The following CNTNAP2 variants were observed in gnomAD, a reference collection of about 807,000 sequenced individuals.
The protein encoded by CNTNAP2 is contactin-associated protein-like 2.
Under a neutral mutation model 155.2 loss-of-function variants are expected in CNTNAP2, and 98 were observed. The ratio of observed to expected loss-of-function variants is 0.63; its 90% CI spans 0.54 to 0.75. The LOEUF (loss-of-function observed/expected upper bound fraction) is 0.75. Among genes scored for constraint, CNTNAP2 ranks in the 30% least tolerant of loss-of-function variants. The pLI is 0.00. For synonymous variants in CNTNAP2, 651 were observed against 631.2 expected (o/e 1.03, Z -0.47); for missense variants, 1,727 against 1,688.1 (o/e 1.02, Z -0.40).
At chr7:148,173,663 T>C (rs1273099443) in intron 18 of CNTNAP2, among the ~76,000 whole-genome samples, 1 of 152,218 alleles carries the variant, frequency 6.6e-6, no homozygotes, top group Non-Finnish European at 1.5e-5. Flanking sequence ...ACAGTGCTAT[T>C]ACAGTGCATT....
At chr7:147,850,278 A>C (rs1355144608) in intron 13 of CNTNAP2, among the ~76,000 whole-genome samples, 1 of 152,240 alleles carries the variant, frequency 6.6e-6, no homozygotes, top group Admixed American at 6.5e-5. Flanking sequence ...GACACAAACA[A>C]ATGGAAGAAC....
In CNTNAP2 at chr7:147,122,311, G is replaced by A. The variant is rs373226534; in HGVS notation, c.939+1148G>A. On this transcript the variant is annotated intron_variant, in intron 6 of 23. Coordinates refer to ENST00000361727, the MANE Select transcript of CNTNAP2 (RefSeq NM_014141.6). ...TGCTATTACTTAGCCAGAAGTTTCCGAACTTTCTTAGTTCATGGAGCCCTT... is the reference window on the plus strand; with the variant it reads ...TGCTATTACTTAGCCAGAAGTTTCCAAACTTTCTTAGTTCATGGAGCCCTT... 87 of 152,326 alleles carry A rather than the reference G, an allele frequency of 5.7e-4. 1 individual carries two copies. Among genetic ancestry groups the A allele is most frequent in the African/African-American group, 1.8e-3 (74 of 41,576 alleles). The allele number at this position is 152,326 out of a possible 1,614,324, so 9.4% of individuals were successfully genotyped here. A position where few individuals can be genotyped will look rare whatever the true frequency, so the allele number is the denominator to read the frequency against.
rs868752640 is a variant in CNTNAP2 at position 146,748,424 on chromosome 7, C to T, written c.98-25847C>T. On this transcript the variant is annotated intron_variant, in intron 1 of 23. Coordinates refer to ENST00000361727, the MANE Select transcript of CNTNAP2 (RefSeq NM_014141.6). The stretch of plus-strand genomic sequence containing the variant: ...CCTCCCAAAGTGCTGGGATTACAGG[C>T]GTGACCCACCGCGCCCGGCCCCAAA... Among the ~76,000 whole-genome samples the T allele has an allele frequency of 3.3e-5, 5 of 152,102 alleles. 1 individual carries two copies. The Middle Eastern group carries it at 0.017, about 517-fold the overall frequency.
chr7:148,328,449 C>G (rs1053005793), intron 21 of CNTNAP2, among the ~76,000 whole-genome samples: 1 of 152,118 alleles, frequency 6.6e-6, no homozygotes, highest in Non-Finnish European at 1.5e-5. Context: ...TGTGGGTCAG[C>G]GTGCTGTTGT....
At chr7:147,912,950 G>A (rs1456866451) in intron 14 of CNTNAP2, among the ~76,000 whole-genome samples, 1 of 152,204 alleles carries the variant, frequency 6.6e-6, no homozygotes, top group Non-Finnish European at 1.5e-5. Flanking sequence ...GGTTTGTTGA[G>A]TGCATTTCTC....
At position 148,229,635 on chromosome 7, in the gene CNTNAP2, T is replaced by C. The variant is rs1795923166; in HGVS notation, c.3248-11T>C. 10 of 1,614,088 alleles carry C rather than the reference T, an allele frequency of 6.2e-6. No homozygotes were observed. The East Asian group carries it at 2.2e-4, about 36-fold the overall frequency. ...CAAACAAATTACTGAGCTTTCTTTT[T>C]TCTTCTATAGGAAGCTTACAGATTC... On this transcript the variant is annotated splice_polypyrimidine_tract_variant and intron_variant, in intron 19 of 23. Transcript: ENST00000361727.
rs116817240 is a variant in CNTNAP2, at chr7:146,541,432, A to G, written c.98-232839A>G. ...AAGATCTTTGGAGAAGCTTCATTAT[A>G]TTTTGAAGTCATTAACATGACTCAA... On this transcript the variant is annotated intron_variant, in intron 1 of 23. Coordinates refer to ENST00000361727, the MANE Select transcript of CNTNAP2 (RefSeq NM_014141.6). 3.9e-3 allele frequency among the ~76,000 whole-genome samples: 595 copies of G among 152,162 alleles called. 7 individuals are homozygous for G. The highest frequency in any genetic ancestry group is 0.013 in the African/African-American group (561 of 41,564).
At chr7:148,116,806 C>T (rs1455473857) in intron 15 of CNTNAP2, among the ~76,000 whole-genome samples, 1 of 152,104 alleles carries the variant, frequency 6.6e-6, no homozygotes, top group East Asian at 1.9e-4. Flanking sequence ...GGAAAAATAT[C>T]ATTTGTGTAT....
intron 12 of CNTNAP2, among the ~76,000 whole-genome samples, chr7:147,612,604 T>C (rs1801209063): frequency 6.6e-6 from 1 of 152,098 alleles, no homozygotes; most frequent in Non-Finnish European, 1.5e-5. Context: ...TTTCACTATG[T>C]TGGCCAGGCT....
At chr7:147,882,490 A>T (rs560068901) in intron 13 of CNTNAP2, among the ~76,000 whole-genome samples, 25 of 152,342 alleles carry the variant, frequency 1.6e-4, no homozygotes, top group African/African-American at 6.0e-4. Context: ...CAGATAGAGA[A>T]CAGAGTTACT....
intron 3 of CNTNAP2, among the ~76,000 whole-genome samples, chr7:146,874,573 A>G (rs887188603): frequency 6.6e-6 from 1 of 152,078 alleles, no homozygotes; most frequent in Non-Finnish European, 1.5e-5. Flanking sequence ...TCCTGACCTC[A>G]GGTGATCCGC....
intron 1 of CNTNAP2, among the ~76,000 whole-genome samples, chr7:146,691,452 A>G (rs904440259): frequency 6.6e-6 from 1 of 152,230 alleles, no homozygotes; most frequent in East Asian, 1.9e-4. Flanking sequence ...ATCTAACACA[A>G]GTTCTATTAT....
chr7:147,655,402 C>T (rs1249262997), intron 13 of CNTNAP2, among the ~76,000 whole-genome samples: 2 of 152,284 alleles, frequency 1.3e-5, no homozygotes, highest in South Asian at 2.1e-4. Flanking sequence ...GGATTACAGG[C>T]GTGAGCCACC....
chr7:146,699,480 T>C (rs571764091), intron 1 of CNTNAP2, among the ~76,000 whole-genome samples: 1 of 152,158 alleles, frequency 6.6e-6, no homozygotes, highest in South Asian at 2.1e-4. Context: ...CTCAGTGTTT[T>C]AGTGAGCCTG....
intron 14 of CNTNAP2, among the ~76,000 whole-genome samples, chr7:147,936,287 C>G (rs1308753569): frequency 7.1e-6 from 1 of 141,594 alleles, no homozygotes; most frequent in Non-Finnish European, 1.5e-5. Context: ...ATACTGTACA[C>G]GACATTTATT....
intron 3 of CNTNAP2, among the ~76,000 whole-genome samples, chr7:146,935,117 T>A (rs1796883901): frequency 6.6e-6 from 1 of 152,190 alleles, no homozygotes; most frequent in Non-Finnish European, 1.5e-5. Flanking sequence ...ACCTTTAAGG[T>A]AAATCTAACC....
intron 3 of CNTNAP2, among the ~76,000 whole-genome samples, chr7:147,030,884 A>C (rs188395867): frequency 6.6e-6 from 1 of 152,294 alleles, no homozygotes; most frequent in Admixed American, 6.5e-5. Flanking sequence ...ACCCTGCCTC[A>C]AAAAATATAT....
intron 8 of CNTNAP2, among the ~76,000 whole-genome samples, chr7:147,177,412 G>A (rs1802372129): frequency 6.6e-6 from 1 of 152,084 alleles, no homozygotes; most frequent in Non-Finnish European, 1.5e-5. Context: ...TTGCTGCCCT[G>A]TGAAGAGGTG....
intron 10 of CNTNAP2, among the ~76,000 whole-genome samples, chr7:147,435,680 C>A (rs2116537517): frequency 6.6e-6 from 1 of 152,300 alleles, no homozygotes; most frequent in African/African-American, 2.4e-5. Context: ...AACAGTTAAA[C>A]ACGTTGGGTG....
Sources: allele counts gnomAD v4.1 joint callset (sites outside exome capture counted in the v4.1 genomes callset), GRCh38; gene constraint gnomAD v4.1.1; transcripts MANE v1.5; gene names NCBI Gene and HGNC (gene_info 2026-07-23, HGNC 2026-07-21).